ADGRG1: variants seen among roughly 807,000 people sequenced by gnomAD.
ADGRG1 encodes the protein adhesion G protein-coupled receptor G1.
In ADGRG1, 53 loss-of-function variants were observed where a neutral mutation model predicts 73.5. That is an observed-to-expected ratio of 0.72 (90% CI 0.58 to 0.91). The LOEUF (loss-of-function observed/expected upper bound fraction) is 0.91. Ranked by LOEUF, ADGRG1 falls within the 40% of genes least tolerant of loss-of-function variation. ADGRG1 has a pLI of 0.00. For synonymous variants in ADGRG1, 394 were observed against 374.4 expected (o/e 1.05, Z -0.60); for missense variants, 795 against 871.8 (o/e 0.91, Z 1.11).
chr16:57,650,381 T>C (rs1365662005), intron 2 of ADGRG1, 30 bp downstream of exon 2: 2 of 1,606,036 alleles, frequency 1.2e-6, no homozygotes, highest in African/African-American at 1.3e-5. Flanking sequence ...CCCTGGGCTG[T>C]TGGAACTTAC....
intron 1 of ADGRG1, chr16:57,647,391 C>T: frequency 2.5e-5 from 25 of 984,710 alleles, no homozygotes; most frequent in Non-Finnish European, 3.0e-5. Flanking sequence ...GAGGAGGGGC[C>T]TGTGACAGGC....
Position 57,657,450 on chromosome 16 carries a change from C to G in ADGRG1, c.1245C>G (p.Ala415=). 1 of 1,614,114 alleles carries G rather than the reference C, an allele frequency of 6.2e-7. No individual in the cohort carries two copies. Among genetic ancestry groups the G allele is most frequent in the South Asian group, 1.1e-5 (1 of 91,088 alleles). ...CCTACGTGGGCTGTGTCGTCTCTGC[C>G]CTGGCCTGCCTTGTCACCATTGCCG... ...LLSYVGCVVS[A]LACLVTIAAY... is the part of the protein sequence containing the mutation. The change falls in exon 10 of 14, where the codon GCC becomes GCG. Residue 415 remains alanine (A), a synonymous_variant. Transcript: ENST00000562631.
At chr16:57,660,899 G>A in intron 12 of ADGRG1, 23 bp downstream of exon 12, 1 of 1,380,694 alleles carries the variant, frequency 7.2e-7, no homozygotes, top group Non-Finnish European at 1.0e-6. Flanking sequence ...GTGCAATGGG[G>A]GCAAGAAGGT....
intron 6 of ADGRG1, 48 bp from the exon 7 acceptor site, chr16:57,655,828 A>T (rs373744916): frequency 3.1e-6 from 5 of 1,613,978 alleles, no homozygotes; most frequent in Non-Finnish European, 2.5e-6. Flanking sequence ...CCTTCTTCTC[A>T]GTCCTGAACT....
At chr16:57,646,518 G>A in intron 1 of ADGRG1, 5 of 985,438 alleles carry the variant, frequency 5.1e-6, no homozygotes, top group Non-Finnish European at 4.8e-6. Flanking sequence ...AAGGGCGGCT[G>A]CTCTGGAAGC....
chr16:57,650,452 T>TCG, intron 2 of ADGRG1, 101 bp downstream of exon 2: 2 of 1,602,510 alleles, frequency 1.2e-6, no homozygotes, highest in Non-Finnish European at 1.7e-6. Flanking sequence ...TTTAGGCAGT[T>TCG]ACAGCTCGGC....
intron 11 of ADGRG1, chr16:57,660,562 G>A (rs1367219643): frequency 1.3e-6 from 1 of 794,210 alleles, no homozygotes; most frequent in Non-Finnish European, 1.5e-6. Context: ...GGTTGGAGGA[G>A]ATGGCATCCC....
intron 10 of ADGRG1, among the ~76,000 whole-genome samples, chr16:57,658,503 G>T (rs1306680025): frequency 6.6e-6 from 1 of 152,222 alleles, no homozygotes; most frequent in African/African-American, 2.4e-5. Context: ...AAGTGAAGCT[G>T]TATTTATGCG....
Position 57,651,477 on chromosome 16 carries a change from C to A in ADGRG1, c.342C>A (p.Asp114Glu). 1 of 1,614,216 alleles carries A rather than the reference C, an allele frequency of 6.2e-7. No individual in the cohort carries two copies. The highest frequency in any genetic ancestry group is 8.5e-7 in the Non-Finnish European group (1 of 1,180,038). Residue 114 changes from aspartate (D) to glutamate (E), a missense_variant, in exon 3 of 14, where the codon GAC (aspartate) becomes GAA (glutamate). Asp to Glu is a conservative substitution (Grantham distance 45, BLOSUM62 2). Transcript: ENST00000562631. ...LYGKRDFLLS[D>E]KASSLLCFQH... Reference sequence around the variant, plus strand: ...GCAAGCGTGACTTCTTGCTGAGTGACAAAGCCTCTAGCCTCCTCTGCTTCC... The same window carrying A: ...GCAAGCGTGACTTCTTGCTGAGTGAAAAAGCCTCTAGCCTCCTCTGCTTCC...
intron 1 of ADGRG1, chr16:57,641,157 A>T: frequency 2.5e-6 from 2 of 799,764 alleles, no homozygotes; most frequent in Non-Finnish European, 3.0e-6. Context: ...CAAACATCAG[A>T]GTTGCCCACT....
At chr16:57,623,273 G>C, upstream of ADGRG1, 1 of 981,982 alleles carries the variant, frequency 1.0e-6, no homozygotes, top group Non-Finnish European at 1.2e-6. Flanking sequence ...GCTGCAGCCA[G>C]GTGTGGACGC....
At chr16:57,628,885 A>AGAGTGTGT (rs2036538069) in intron 1 of ADGRG1, 83 bp downstream of exon 1, 1 of 779,578 alleles carries the variant, frequency 1.3e-6, no homozygotes, top group Non-Finnish European at 1.5e-6. Flanking sequence ...TGAGTGTGTG[A>AGAGTGTGT]GAGTGTGAGT....
Position 57,634,223 on chromosome 16 carries a change from G to A in ADGRG1, c.-36+5421G>A, listed in dbSNP as rs2038778280. The A allele has an allele frequency of 2.3e-5, 23 of 985,438 alleles. No homozygotes were observed. The South Asian group carries it at 9.9e-4, about 42-fold the overall frequency. The allele number at this position is 985,438 out of a possible 1,614,324, so 61.0% of individuals were successfully genotyped here. ...CTTGGCTGAGTCTGGGCCTCAGGGTGTGGCTCTGTGGCTGGCACCCTGGGT... is the reference window on the plus strand; with the variant it reads ...CTTGGCTGAGTCTGGGCCTCAGGGTATGGCTCTGTGGCTGGCACCCTGGGT... On this transcript the variant is annotated intron_variant, in intron 1 of 13. Transcript: ENST00000562631.
rs572815442 is a variant in ADGRG1 at position 57,662,816 on chromosome 16, C to A, written c.1934-636C>A. 3.6e-4 allele frequency: 134 copies of A among 373,530 alleles called. No homozygotes were observed. The South Asian group carries it at 9.0e-3, about 25-fold the overall frequency. The allele number at this position is 373,530 out of a possible 1,614,324, so 23.1% of individuals were successfully genotyped here. ...GAGGTGCACACACAGGCATGCACAC[C>A]CCTCTGTTCCTGGCCGTGCAGAATG... On this transcript the variant is annotated intron_variant, in intron 13 of 13. Transcript: ENST00000562631.
intron 1 of ADGRG1, chr16:57,630,952 A>G (rs1217263365): frequency 2.0e-6 from 2 of 985,292 alleles, no homozygotes; most frequent in Admixed American, 1.2e-4. Context: ...CCAGGCCAGC[A>G]GGTCTCAATC....
At chr16:57,622,726 G>A, upstream of ADGRG1, 4 of 966,612 alleles carry the variant, frequency 4.1e-6, no homozygotes, top group Non-Finnish European at 4.9e-6. Flanking sequence ...GTGCTCTTGG[G>A]AGGCTAGGCA....
intron 2 of ADGRG1, among the ~76,000 whole-genome samples, chr16:57,622,462 G>A (rs1002946037): frequency 6.6e-6 from 1 of 152,186 alleles, no homozygotes; most frequent in Non-Finnish European, 1.5e-5. Flanking sequence ...CTGTGCTTCT[G>A]GCTCCAATAC....
At chr16:57,644,676 ACT>A (rs1296567995) in intron 1 of ADGRG1, among the ~76,000 whole-genome samples, 14 of 127,092 alleles carry the variant, frequency 1.1e-4, no homozygotes, top group East Asian at 2.8e-4. Flanking sequence ...CTCCTCACAC[ACT>A]CATGCACAAG....
intron 1 of ADGRG1, chr16:57,647,880 A>C (rs1278150633): frequency 4.0e-6 from 2 of 501,438 alleles, no homozygotes; most frequent in East Asian, 3.0e-4. Flanking sequence ...AATGATGGGG[A>C]GCTCTCTACC....
Sources: gnomAD v4.1 joint callset for allele counts (sites outside exome capture counted in the v4.1 genomes callset) on GRCh38, gnomAD v4.1.1 for gene constraint, MANE v1.5 for transcripts, NCBI Gene and HGNC (gene_info 2026-07-23, HGNC 2026-07-21) for gene names.